DMD: variants seen among roughly 807,000 people sequenced by gnomAD.
DMD encodes mutant dystrophin.
DMD carries 63 observed loss-of-function variants against 330.1 expected under a neutral mutation model. That is an observed-to-expected ratio of 0.19 (90% CI 0.16 to 0.24). DMD has a LOEUF of 0.24. DMD is among the 10% of genes least tolerant of loss of function. The probability of loss-of-function intolerance (pLI) is 1.00; values close to 1 mark genes in which losing one functional copy is unlikely to be tolerated. For synonymous variants in DMD, 1,223 were observed against 959.8 expected, an observed-to-expected ratio of 1.27 and a Z score of -5.07; for missense variants, 3,344 against 2,684.1, an observed-to-expected ratio of 1.25 and a Z score of -5.43.
At chrX:31,178,909 G>C (rs2040848259) in intron 69 of DMD, 104 bp from the exon 70 acceptor site, 2 of 1,001,530 alleles carry the variant, frequency 2.0e-6, no homozygotes, top group Non-Finnish European at 2.8e-6. Flanking sequence ...TAATTAAGGA[G>C]AGTGTTGTGG....
intron 22 of DMD, among the ~76,000 whole-genome samples, chrX:32,469,437 A>G (rs1186864768): frequency 9.0e-6 from 1 of 111,039 alleles, no homozygotes; most frequent in Non-Finnish European, 1.9e-5. Flanking sequence ...GTATAGCTAA[A>G]TATTAAATAT....
intron 43 of DMD, among the ~76,000 whole-genome samples, chrX:32,261,334 T>C (rs2097322657): frequency 9.0e-6 from 1 of 111,714 alleles, no homozygotes; most frequent in Admixed American, 9.5e-5. Flanking sequence ...TTACAAGGTA[T>C]CTACTGACTT....
intron 2 of DMD, among the ~76,000 whole-genome samples, chrX:32,858,543 T>G (rs1569535311): frequency 9.0e-6 from 1 of 111,439 alleles, no homozygotes; most frequent in African/African-American, 3.3e-5. Flanking sequence ...TTGGTCAGGC[T>G]TGTCTCCATC....
chrX:32,390,680 T>G (rs993461765), intron 30 of DMD, among the ~76,000 whole-genome samples: 1 of 110,405 alleles, frequency 9.1e-6, no homozygotes, highest in South Asian at 3.8e-4. Flanking sequence ...ACCTTCTTTT[T>G]ATTTTATTTT....
intron 1 of DMD, among the ~76,000 whole-genome samples, chrX:33,308,235 T>C (rs1163536682): frequency 8.9e-6 from 1 of 112,021 alleles, no homozygotes; most frequent in Non-Finnish European, 1.9e-5. Flanking sequence ...AGTTCCCTAG[T>C]TTGCCTTCCT....
intron 50 of DMD, among the ~76,000 whole-genome samples, chrX:31,808,668 T>G (rs2092365605): frequency 9.0e-6 from 1 of 111,066 alleles, no homozygotes; most frequent in Admixed American, 9.7e-5. Flanking sequence ...AAATAAAACT[T>G]CTTGTGAAAC....
chrX:32,537,942 C>A (rs2048142634), intron 17 of DMD, among the ~76,000 whole-genome samples: 1 of 112,330 alleles, frequency 8.9e-6, no homozygotes. Flanking sequence ...AGGACCAGTT[C>A]TCAATATAGT....
At chrX:32,446,432 A>G (rs1194618734) in intron 27 of DMD, among the ~76,000 whole-genome samples, 2 of 110,522 alleles carry the variant, frequency 1.8e-5, no homozygotes, top group Non-Finnish European at 3.8e-5. Context: ...CTGTCCTTAC[A>G]TAATTTCCTG....
intron 64 of DMD, among the ~76,000 whole-genome samples, chrX:31,222,195 C>CA (rs112128701): frequency 4.1e-4 from 41 of 98,974 alleles, no homozygotes; most frequent in Non-Finnish European, 4.9e-4. Flanking sequence ...GACTCTGTCT[C>CA]AAAAAAAAAC....
At chrX:32,700,241 TA>T (rs748429987) in intron 7 of DMD, among the ~76,000 whole-genome samples, 19 of 111,187 alleles carry the variant, frequency 1.7e-4, no homozygotes, top group Admixed American at 1.3e-3. Flanking sequence ...TTTCATCCTT[TA>T]AAAAGAAGGA....
At chrX:32,673,416 G>C (rs1010158199) in intron 9 of DMD, among the ~76,000 whole-genome samples, 2 of 111,204 alleles carry the variant, frequency 1.8e-5, no homozygotes, top group African/African-American at 6.5e-5. Flanking sequence ...CATGCTAATG[G>C]TTACTTGTTT....
At chrX:32,019,983 T>C (rs2095795361) in intron 44 of DMD, among the ~76,000 whole-genome samples, 1 of 112,572 alleles carries the variant, frequency 8.9e-6, no homozygotes, top group Non-Finnish European at 1.9e-5. Flanking sequence ...CAAATGTTCA[T>C]TTTGCCTATG....
At chrX:31,581,808 G>T (rs1386589898) in intron 55 of DMD, among the ~76,000 whole-genome samples, 1 of 112,062 alleles carries the variant, frequency 8.9e-6, no homozygotes, top group Non-Finnish European at 1.9e-5. Flanking sequence ...AATAAATCAA[G>T]TATAGTAAAA....
intron 55 of DMD, among the ~76,000 whole-genome samples, chrX:31,575,310 A>G (rs1006919184): frequency 8.9e-6 from 1 of 111,963 alleles, no homozygotes; most frequent in Non-Finnish European, 1.9e-5. Context: ...AGCTTTCACT[A>G]TTATTGAACA....
At chrX:33,133,208 G>A (rs1051374782) in intron 1 of DMD, among the ~76,000 whole-genome samples, 1 of 111,173 alleles carries the variant, frequency 9.0e-6, no homozygotes, top group Non-Finnish European at 1.9e-5. Flanking sequence ...GAGAGTTGGA[G>A]CTAAACCTAG....
intron 12 of DMD, among the ~76,000 whole-genome samples, chrX:32,597,669 T>A (rs2149273354): frequency 8.9e-6 from 1 of 111,869 alleles, no homozygotes; most frequent in South Asian, 3.7e-4. Context: ...AAACAGTATT[T>A]CCAATCTTTT....
chrX:32,386,519 T>C lies in DMD; in HGVS notation c.4519-54A>G, dbSNP rs1172079765. On this transcript the variant is annotated intron_variant, in intron 32 of 78. Transcript: ENST00000357033. ...TAATCAGTAGAGTTAAATTATTTCA[T>C]AATATTATGAACAGAAATAAATAGA... 2.9e-6 allele frequency: 3 copies of C among 1,026,048 alleles called. No homozygotes were observed. In the African/African-American group the frequency reaches 5.7e-5, roughly 19 times the overall value. 84.6% of individuals were successfully genotyped at this position (1,026,048 alleles called of 1,213,427 possible).
chrX:31,147,360 C>T lies in DMD; in HGVS notation c.10712G>A (p.Arg3571His), dbSNP rs935091512. The T allele has an allele frequency of 2.2e-5, 27 of 1,207,582 alleles. No individual in the cohort carries two copies. The highest frequency in any genetic ancestry group is 3.0e-5 in the Non-Finnish European group (27 of 894,671). Residue 3571 changes from arginine (R) to histidine (H), a missense_variant, in exon 75 of 79, where the codon CGC (arginine) becomes CAC (histidine). By Grantham distance (29) the Arg-to-His change is conservative. Coordinates refer to ENST00000357033, the MANE Select transcript of DMD (RefSeq NM_004006.3). ...EAKLLRQHKG[R>H]LEARMQILED... ...CAGGATTTGCATCCTGGCTTCCAGG[C>T]GGCCTTTGTGTTGACGCAGTAGCTT...
At chrX:31,949,610 C>T (rs999241381) in intron 45 of DMD, among the ~76,000 whole-genome samples, 1 of 111,121 alleles carries the variant, frequency 9.0e-6, no homozygotes, top group African/African-American at 3.3e-5. Context: ...TTCTTCTATA[C>T]TGTGGATGCC....
Sources: gnomAD v4.1 joint callset for allele counts (sites outside exome capture counted in the v4.1 genomes callset) on GRCh38, gnomAD v4.1.1 for gene constraint, MANE v1.5 for transcripts, NCBI Gene and HGNC (gene_info 2026-07-23, HGNC 2026-07-21) for gene names.